Variants in NRG1 observed in about 807,000 individuals in gnomAD.
NRG1 encodes the protein neuregulin 1.
In NRG1, 18 loss-of-function variants were observed where a neutral mutation model predicts 63.8. The observed-to-expected ratio is 0.28, with a 90% CI of 0.19 to 0.42. The LOEUF (loss-of-function observed/expected upper bound fraction) is 0.42, where lower values mean the gene tolerates loss of function less well. Ranked by LOEUF, NRG1 falls within the 10% of genes least tolerant of loss-of-function variation. NRG1 has a pLI of 1.00. For missense variants in NRG1, 762 were observed against 814.7 expected, an observed-to-expected ratio of 0.94 and a Z score of 0.79; for synonymous variants, 302 against 301.3, an observed-to-expected ratio of 1.00 and a Z score of -0.02.
chr8:32,469,452 G>C (rs965227941), intron 1 of NRG1, among the ~76,000 whole-genome samples: 1 of 152,136 alleles, frequency 6.6e-6, no homozygotes, highest in Non-Finnish European at 1.5e-5. Context: ...CTTGTTGGTA[G>C]TCATGGGCAG....
At chr8:32,157,049 CGTGTGTGTGTGTGTGTGT>C (rs34725608) in intron 1 of NRG1, among the ~76,000 whole-genome samples, 3 of 140,914 alleles carry the variant, frequency 2.1e-5, no homozygotes, top group Non-Finnish European at 3.1e-5. Context: ...AATTAAAACT[CGTGTGTGTGTGTGTGTGT>C]GTGTGTGTGT....
intron 1 of NRG1, among the ~76,000 whole-genome samples, chr8:32,266,689 A>G (rs1850973713): frequency 6.6e-6 from 1 of 152,158 alleles, no homozygotes; most frequent in African/African-American, 2.4e-5. Context: ...GAAGATTATC[A>G]AAACACAATA....
intron 1 of NRG1, among the ~76,000 whole-genome samples, chr8:32,271,956 G>A (rs1027846342): frequency 6.6e-6 from 1 of 152,174 alleles, no homozygotes; most frequent in African/African-American, 2.4e-5. Context: ...TTTAAGGGCT[G>A]ATAGAATAGG....
At chr8:31,850,803 G>A (rs767996145) in intron 1 of NRG1, among the ~76,000 whole-genome samples, 1 of 152,138 alleles carries the variant, frequency 6.6e-6, no homozygotes, top group Non-Finnish European at 1.5e-5. Flanking sequence ...CCACCCGTTT[G>A]CTTATCACCC....
chr8:32,391,907 A>G (rs1811823244), intron 1 of NRG1, among the ~76,000 whole-genome samples: 1 of 152,208 alleles, frequency 6.6e-6, no homozygotes, highest in African/African-American at 2.4e-5. Context: ...GTCAACTTAA[A>G]ATAGTTATTT....
chr8:32,080,006 A>G (rs1259478084), intron 1 of NRG1, among the ~76,000 whole-genome samples: 10 of 152,168 alleles, frequency 6.6e-5, no homozygotes, highest in Admixed American at 6.6e-5. Flanking sequence ...TTTATAGCAA[A>G]GGGGACAAGA....
At chr8:32,303,971 T>A (rs1307076919) in intron 1 of NRG1, among the ~76,000 whole-genome samples, 1 of 152,226 alleles carries the variant, frequency 6.6e-6, no homozygotes, top group African/African-American at 2.4e-5. Context: ...TAGGTACATA[T>A]ACAATTGGAT....
At chr8:32,442,044 A>G (rs1204051980) in intron 1 of NRG1, among the ~76,000 whole-genome samples, 12 of 152,154 alleles carry the variant, frequency 7.9e-5, no homozygotes, top group Admixed American at 7.9e-4. Flanking sequence ...GATAAAAAAG[A>G]CTTTATCTCA....
intron 1 of NRG1, among the ~76,000 whole-genome samples, chr8:32,079,511 G>A (rs1455785114): frequency 1.3e-5 from 2 of 152,220 alleles, no homozygotes; most frequent in Non-Finnish European, 1.5e-5. Flanking sequence ...GCCAAGACAC[G>A]AATTCAAGTT....
chr8:32,091,346 A>G (rs1056491677), intron 1 of NRG1, among the ~76,000 whole-genome samples: 1 of 152,186 alleles, frequency 6.6e-6, no homozygotes, highest in African/African-American at 2.4e-5. Flanking sequence ...CAGTGCTAAC[A>G]AAGCAACATT....
At chr8:32,231,027 G>A (rs1846875881) in intron 1 of NRG1, among the ~76,000 whole-genome samples, 1 of 151,788 alleles carries the variant, frequency 6.6e-6, no homozygotes, top group Admixed American at 6.6e-5. Context: ...TCCCCATGCT[G>A]GCTATCCTTC....
At chr8:31,921,495 CACACA>C (rs796887963) in intron 1 of NRG1, among the ~76,000 whole-genome samples, 7 of 152,218 alleles carry the variant, frequency 4.6e-5, no homozygotes, top group African/African-American at 1.7e-4. Context: ...CACACACACA[CACACA>C]GAGTTCTTTG....
intron 1 of NRG1, among the ~76,000 whole-genome samples, chr8:32,487,168 C>G (rs1443318940): frequency 6.8e-6 from 1 of 147,842 alleles, no homozygotes; most frequent in Non-Finnish European, 1.5e-5. Context: ...AAAAAAATAA[C>G]GTAAAACAGT....
At chr8:32,192,942 C>A (rs187836035) in intron 1 of NRG1, among the ~76,000 whole-genome samples, 1 of 152,050 alleles carries the variant, frequency 6.6e-6, no homozygotes, top group Admixed American at 6.6e-5. Flanking sequence ...CATAGTACAT[C>A]ATTTATTTAA....
chr8:32,048,442 CATACATATATATATAT>C (rs1285795930), intron 1 of NRG1, among the ~76,000 whole-genome samples: 7,367 of 134,604 alleles, frequency 0.055, 399 homozygotes, highest in African/African-American at 0.11. Context: ...CACATATATA[CATACATATATATATAT>C]ATATATATAT....
intron 1 of NRG1, among the ~76,000 whole-genome samples, chr8:31,981,578 T>C (rs771298756): frequency 1.3e-5 from 2 of 152,116 alleles, no homozygotes; most frequent in African/African-American, 4.8e-5. Flanking sequence ...CAAAATGTTA[T>C]TTGTAACGTG....
intron 1 of NRG1, among the ~76,000 whole-genome samples, chr8:32,510,816 C>T (rs1181233905): frequency 6.6e-6 from 1 of 152,032 alleles, no homozygotes; most frequent in Non-Finnish European, 1.5e-5. Flanking sequence ...ATACCCTGGG[C>T]CATACCCTTA....
Position 32,524,578 on chromosome 8 carries a change from G to T in NRG1, c.38-71250G>T, listed in dbSNP as rs117130627. On this transcript the variant is annotated intron_variant, in intron 1 of 10. Coordinates refer to the NRG1 transcript ENST00000519301. ...GTGTCAAGAAAAAAACATTCCAGTT[G>T]CCAGATGAACAGCCTGTTTCAGTAT... 3.4e-4 allele frequency among the ~76,000 whole-genome samples: 52 copies of T among 151,726 alleles called. 1 individual carries two copies. In the East Asian group the frequency reaches 9.7e-3, roughly 28 times the overall value.
At chr8:32,275,161 C>T (rs1405048468) in intron 1 of NRG1, among the ~76,000 whole-genome samples, 1 of 152,182 alleles carries the variant, frequency 6.6e-6, no homozygotes, top group Non-Finnish European at 1.5e-5. Flanking sequence ...GCTCCCGCCT[C>T]TGTGTTCCTG....
Sources: allele counts gnomAD v4.1 joint callset (sites outside exome capture counted in the v4.1 genomes callset), GRCh38; gene constraint gnomAD v4.1.1; transcripts MANE v1.5; gene names NCBI Gene and HGNC (gene_info 2026-07-23, HGNC 2026-07-21).